The following DOCK9 variants were observed in gnomAD, a reference collection of about 807,000 sequenced individuals.
DOCK9 encodes dedicator of cytokinesis 9.
Under a neutral mutation model 263.3 loss-of-function variants are expected in DOCK9, and 89 were observed. The observed-to-expected ratio is 0.34, with a 90% CI of 0.28 to 0.40. The LOEUF is 0.40. DOCK9 is among the 10% of genes least tolerant of loss of function. The pLI is 1.00. For missense variants in DOCK9, 2,140 were observed against 2,603.4 expected, an observed-to-expected ratio of 0.82 and a Z score of 3.87; for synonymous variants, 976 against 973.1, an observed-to-expected ratio of 1.00 and a Z score of -0.06.
At chr13:98,922,227 T>A in intron 5 of DOCK9, 81 bp from the exon 6 acceptor site, 1 of 1,022,660 alleles carries the variant, frequency 9.8e-7, no homozygotes, top group Non-Finnish European at 1.5e-6. Flanking sequence ...AATGGGAAGG[T>A]CATTCCCTTT....
At chr13:99,059,143 G>A (rs187080970) in intron 1 of DOCK9, among the ~76,000 whole-genome samples, 1 of 152,290 alleles carries the variant, frequency 6.6e-6, no homozygotes, top group East Asian at 1.9e-4. Context: ...TTCAAGGCGG[G>A]CCATGGTAAA....
intron 1 of DOCK9, among the ~76,000 whole-genome samples, chr13:98,985,428 G>C (rs1030732600): frequency 6.6e-6 from 1 of 152,004 alleles, no homozygotes; most frequent in Non-Finnish European, 1.5e-5. Context: ...AGCTCCACGA[G>C]GGCAGCATTT....
At position 98,794,610 on chromosome 13, in the gene DOCK9, G is replaced by C; in HGVS notation, c.*16C>G. ...AATGACAAAGCAAGTCCCCACACAC[G>C]GGCCATGAGATGTAATCACACGACC... On this transcript the variant is annotated 3_prime_UTR_variant, in exon 53 of 53. Coordinates refer to ENST00000682017, the MANE Select transcript of DOCK9 (RefSeq NM_001366683.2). 6.4e-7 allele frequency: 1 copy of C among 1,570,968 alleles called. No homozygotes were observed. The highest frequency in any genetic ancestry group is 1.2e-5 in the South Asian group (1 of 85,430).
At chr13:98,871,108 G>A (rs1437835709) in intron 27 of DOCK9, among the ~76,000 whole-genome samples, 1 of 152,160 alleles carries the variant, frequency 6.6e-6, no homozygotes, top group Admixed American at 6.5e-5. Context: ...TGCTAATTTT[G>A]TGTGGTGTGA....
Position 98,902,278 on chromosome 13 carries a change from T to TA in DOCK9, c.1380+9dup, listed in dbSNP as rs975734423. The TA allele has an allele frequency of 6.2e-7, 1 of 1,612,592 alleles. No homozygotes were observed. The highest frequency in any genetic ancestry group is 1.7e-5 in the Admixed American group (1 of 60,006). ...CTGAGTAGTGGGAATGCTGGGCTCATACTCCCCACCTGCTTCGGATACTGC... is the reference window on the plus strand; with the variant it reads ...CTGAGTAGTGGGAATGCTGGGCTCATAACTCCCCACCTGCTTCGGATACTGC... On this transcript the variant is annotated intron_variant, in intron 12 of 52. Transcript: ENST00000682017.
chr13:98,846,402 A>G (rs2093392502), intron 37 of DOCK9: 3 of 802,826 alleles, frequency 3.7e-6, no homozygotes, highest in South Asian at 1.4e-5. Flanking sequence ...TTTGGATTAT[A>G]TATGTTCTGA....
chr13:98,794,433 T>G lies in DOCK9; in HGVS notation c.*193A>C. ...AAAACTTTGAATATTGCCAGTGAGA[T>G]TTAAAAAAATATGTGCACCTTCTTA... On this transcript the variant is annotated 3_prime_UTR_variant, in exon 53 of 53. Coordinates refer to ENST00000682017, the MANE Select transcript of DOCK9 (RefSeq NM_001366683.2). 1.6e-6 allele frequency: 1 copy of G among 609,668 alleles called. No homozygotes were observed. The highest frequency in any genetic ancestry group is 2.8e-6 in the Non-Finnish European group (1 of 362,566). The allele number at this position is 609,668 out of a possible 1,614,324, so 37.8% of individuals were successfully genotyped here. A position where few individuals can be genotyped will look rare whatever the true frequency, so the allele number is the denominator to read the frequency against.
At chr13:98,998,224 A>G (rs1371187623) in intron 1 of DOCK9, among the ~76,000 whole-genome samples, 1 of 152,192 alleles carries the variant, frequency 6.6e-6, no homozygotes, top group Admixed American at 6.5e-5. Context: ...CAGACAGGGC[A>G]GCAAGGTCCG....
rs560203423 is a variant in DOCK9 at position 98,840,295 on chromosome 13, G to C, written c.4199-2686C>G. ...TAAGGAGTGCGGTGTGAAGCACACT[G>C]ATTTCCACTAGGGGGCCGTGGTGCC... On this transcript the variant is annotated intron_variant, in intron 38 of 52. Coordinates refer to ENST00000682017, the MANE Select transcript of DOCK9 (RefSeq NM_001366683.2). Among the ~76,000 whole-genome samples the C allele has an allele frequency of 1.0e-3, 153 of 152,318 alleles. 3 individuals carry two copies. The highest frequency in any genetic ancestry group is 3.6e-3 in the African/African-American group (149 of 41,566).
chr13:99,087,762 T>G, upstream of DOCK9: 1 of 152,468 alleles, frequency 6.6e-6, no homozygotes, highest in South Asian at 2.1e-4. Context: ...GCGGGGAGCC[T>G]GACTGAACGG....
Position 98,952,441 on chromosome 13 carries a change from T to C in DOCK9, c.243+2994A>G, listed in dbSNP as rs143536498. Among the ~76,000 whole-genome samples the C allele has an allele frequency of 2.6e-3, 390 of 152,208 alleles. 2 individuals carry two copies. The highest frequency in any genetic ancestry group is 9.1e-3 in the African/African-American group (377 of 41,524). On this transcript the variant is annotated intron_variant, in intron 2 of 52. Transcript: ENST00000682017. Reference sequence around the variant, plus strand: ...TGGTAGAGATGGGGTTTCACCATATTGGCCAGGCTGGTCTCAAACTCCTGA... The same window carrying C: ...TGGTAGAGATGGGGTTTCACCATATCGGCCAGGCTGGTCTCAAACTCCTGA...
chr13:99,049,897 G>A (rs2040607295), intron 1 of DOCK9, among the ~76,000 whole-genome samples: 1 of 152,174 alleles, frequency 6.6e-6, no homozygotes, highest in Non-Finnish European at 1.5e-5. Flanking sequence ...GATTTCATTA[G>A]GAAATGATTG....
At chr13:98,886,177 T>C (rs138525578) in intron 19 of DOCK9, among the ~76,000 whole-genome samples, 38 of 152,342 alleles carry the variant, frequency 2.5e-4, no homozygotes, top group African/African-American at 8.4e-4. Flanking sequence ...AATTACATTA[T>C]ATTTTATGTA....
chr13:99,037,058 T>C (rs1555298608), intron 1 of DOCK9, among the ~76,000 whole-genome samples: 1 of 152,178 alleles, frequency 6.6e-6, no homozygotes, highest in South Asian at 2.1e-4. Context: ...CAGTATTTTT[T>C]AAAAAGACAA....
chr13:99,079,410 A>G (rs549070485), intron 1 of DOCK9, among the ~76,000 whole-genome samples: 1 of 152,298 alleles, frequency 6.6e-6, no homozygotes, highest in East Asian at 1.9e-4. Flanking sequence ...CTGTGTGTGA[A>G]GCCTTCAGAT....
At chr13:99,056,613 G>A (rs1337316576) in intron 1 of DOCK9, among the ~76,000 whole-genome samples, 2 of 152,152 alleles carry the variant, frequency 1.3e-5, no homozygotes, top group Non-Finnish European at 2.9e-5. Flanking sequence ...ATGTTTGGGG[G>A]CAACAAACTC....
At chr13:99,027,151 C>A (rs575636286) in intron 1 of DOCK9, among the ~76,000 whole-genome samples, 1 of 152,254 alleles carries the variant, frequency 6.6e-6, no homozygotes, top group East Asian at 1.9e-4. Context: ...TCCCAAGTAG[C>A]TGGAACTACA....
chr13:98,809,048 T>A, intron 47 of DOCK9: 1 of 1,507,414 alleles, frequency 6.6e-7, no homozygotes, highest in Non-Finnish European at 8.8e-7. Context: ...ACATACAGAC[T>A]TGAAAAGCAA....
chr13:98,805,814 T>G (rs752506806), intron 48 of DOCK9, among the ~76,000 whole-genome samples: 8 of 152,112 alleles, frequency 5.3e-5, no homozygotes, highest in Non-Finnish European at 1.2e-4. Flanking sequence ...CAGGCTGGAG[T>G]GCAATGGCGC....
Sources: gnomAD v4.1 joint callset for allele counts (sites outside exome capture counted in the v4.1 genomes callset) on GRCh38, gnomAD v4.1.1 for gene constraint, MANE v1.5 for transcripts, NCBI Gene and HGNC (gene_info 2026-07-23, HGNC 2026-07-21) for gene names.